Variants in EPHA4 observed in about 807,000 individuals in gnomAD.
The protein encoded by EPHA4 is ephrin type-A receptor 4.
A neutral mutation model predicts 108.3 loss-of-function variants in EPHA4; 19 were observed. The ratio of observed to expected loss-of-function variants is 0.18; its 90% CI spans 0.12 to 0.26. EPHA4 has a LOEUF of 0.26. Among genes scored for constraint, EPHA4 ranks in the 10% least tolerant of loss-of-function variants. The pLI, the probability that EPHA4 is intolerant of heterozygous loss-of-function variation, is 1.00. For synonymous variants in EPHA4, 449 were observed against 455.5 expected (o/e 0.99, Z 0.18); for missense variants, 917 against 1,254.0 (o/e 0.73, Z 4.06).
At chr2:221,558,724 C>T (rs1334011374) in intron 3 of EPHA4, among the ~76,000 whole-genome samples, 1 of 151,990 alleles carries the variant, frequency 6.6e-6, no homozygotes, top group Admixed American at 6.6e-5. Context: ...ATGATTCACA[C>T]TCACAAAGGC....
At chr2:221,486,730 T>C (rs967374706) in intron 4 of EPHA4, among the ~76,000 whole-genome samples, 2 of 122,434 alleles carry the variant, frequency 1.6e-5, no homozygotes, top group Non-Finnish European at 3.3e-5. Flanking sequence ...TGAGACTCTG[T>C]CTCAAAATAA....
chr2:221,467,285 A>C (rs765816788), intron 5 of EPHA4, among the ~76,000 whole-genome samples: 1 of 152,326 alleles, frequency 6.6e-6, no homozygotes, highest in Non-Finnish European at 1.5e-5. Flanking sequence ...TTACTTTGCT[A>C]TAATTCAATG....
Position 221,442,908 on chromosome 2 carries a change from T to C in EPHA4, c.1995A>G (p.Arg665=). The C allele has an allele frequency of 1.2e-6, 2 of 1,614,174 alleles. No homozygotes were observed. The highest frequency in any genetic ancestry group is 1.3e-5 in the African/African-American group (1 of 75,048). ...LKAGYTDKQR[R]DFLSEASIMG... ...TGATGCTGGCCTCACTCAGGAAGTC[T>C]CTCCTCTGTTTGTCTGTATAACCAG... Residue 665 remains arginine (R), a synonymous_variant, in exon 11 of 18, where the codon AGA becomes AGG. Coordinates refer to ENST00000281821, the MANE Select transcript of EPHA4 (RefSeq NM_004438.5).
intron 8 of EPHA4, among the ~76,000 whole-genome samples, chr2:221,448,710 A>G (rs1690676431): frequency 6.6e-6 from 1 of 152,190 alleles, no homozygotes; most frequent in Non-Finnish European, 1.5e-5. Flanking sequence ...TCCTAAAAGC[A>G]TTATCTAAAA....
intron 16 of EPHA4, 71 bp downstream of exon 16, chr2:221,426,393 G>T: frequency 6.6e-7 from 1 of 1,512,624 alleles, no homozygotes. Flanking sequence ...TGATTACGCA[G>T]CTCAAAGCAA....
At chr2:221,464,014 G>A (rs1374343114) in intron 5 of EPHA4, among the ~76,000 whole-genome samples, 1 of 152,158 alleles carries the variant, frequency 6.6e-6, no homozygotes, top group Non-Finnish European at 1.5e-5. Context: ...CAGATGCAAT[G>A]AAAGGTCTCC....
Position 221,564,284 on chromosome 2 carries a change from G to C in EPHA4, c.270C>G (p.Thr90=). Residue 90 remains threonine, a synonymous_variant, in exon 3 of 18, where the codon ACC becomes ACG. Coordinates refer to ENST00000281821, the MANE Select transcript of EPHA4 (RefSeq NM_004438.5). ...QNNWLRTDWI[T]REGAQRVYIE... ...TATACACCCTCTGAGCCCCTTCTCGGGTGATCCAATCAGTTCGTAGCCAGT... is the reference window on the plus strand; with the variant it reads ...TATACACCCTCTGAGCCCCTTCTCGCGTGATCCAATCAGTTCGTAGCCAGT... The C allele has an allele frequency of 6.2e-7, 1 of 1,614,092 alleles. No individual in the cohort carries two copies. Among genetic ancestry groups the C allele is most frequent in the Non-Finnish European group, 8.5e-7 (1 of 1,180,032 alleles).
At chr2:221,559,483 G>T (rs1296293047) in intron 3 of EPHA4, among the ~76,000 whole-genome samples, 2 of 152,060 alleles carry the variant, frequency 1.3e-5, no homozygotes, top group Non-Finnish European at 2.9e-5. Context: ...GGCTGAGGTA[G>T]GATCACTTGA....
intron 8 of EPHA4, among the ~76,000 whole-genome samples, chr2:221,454,466 G>C (rs1690878591): frequency 6.6e-6 from 1 of 152,182 alleles, no homozygotes; most frequent in African/African-American, 2.4e-5. Context: ...ACAAACTTGG[G>C]CAAGAATTAC....
At chr2:221,498,206 AG>A (rs2106154871) in intron 4 of EPHA4, among the ~76,000 whole-genome samples, 1 of 152,350 alleles carries the variant, frequency 6.6e-6, no homozygotes, top group East Asian at 1.9e-4. Flanking sequence ...TGGGAGAAAG[AG>A]CCAGGACCTC....
At position 221,564,221 on chromosome 2, in the gene EPHA4, A is replaced by G. The variant is rs1269540386; in HGVS notation, c.333T>C (p.Leu111=). 1.9e-6 allele frequency: 3 copies of G among 1,614,012 alleles called. No homozygotes were observed. The highest frequency in any genetic ancestry group is 2.5e-6 in the Non-Finnish European group (3 of 1,180,032). The change falls in exon 3 of 18, where the codon CTT becomes CTC. Residue 111 remains leucine (L), a synonymous_variant. Coordinates refer to ENST00000281821, the MANE Select transcript of EPHA4 (RefSeq NM_004438.5). ...IKFTLRDCNS[L]PGVMGTCKET... The stretch of plus-strand genomic sequence containing the variant: ...CCTTGCAAGTCCCCATGACGCCCGG[A>G]AGACTATTGCAGTCCCTCAAGGTGA...
At chr2:221,438,992 G>T (rs1220196774) in intron 11 of EPHA4, among the ~76,000 whole-genome samples, 1 of 152,156 alleles carries the variant, frequency 6.6e-6, no homozygotes, top group Admixed American at 6.5e-5. Flanking sequence ...AGGGGCAAAA[G>T]TGTTGAAGAG....
intron 3 of EPHA4, among the ~76,000 whole-genome samples, chr2:221,548,309 A>G (rs1365865098): frequency 6.6e-6 from 1 of 151,976 alleles, no homozygotes; most frequent in Non-Finnish European, 1.5e-5. Context: ...GTGAGCCAAG[A>G]TCACAGATCG....
chr2:221,421,480 C>A (rs1052332349), intron 17 of EPHA4, among the ~76,000 whole-genome samples: 14 of 152,198 alleles, frequency 9.2e-5, no homozygotes, highest in Non-Finnish European at 2.9e-5. Flanking sequence ...CAGGGAGATA[C>A]TTGCTCTATG....
rs1168279571 is a variant in EPHA4, at chr2:221,482,565, A to G, written c.1105T>C (p.Cys369Arg). 1.2e-5 allele frequency: 19 copies of G among 1,613,934 alleles called. No individual in the cohort carries two copies. Among genetic ancestry groups the G allele is most frequent in the Non-Finnish European group, 1.5e-5 (18 of 1,179,996 alleles). The change falls in exon 5 of 18, where the codon TGT becomes CGT. Residue 369 changes from cysteine to arginine, a missense_variant. Physicochemically the swap from Cys to Arg is radical, Grantham distance 180. This residue lies in a region of EPHA4 where 758 missense variants were observed against 1,076.7 expected (regional missense o/e 0.70). Transcript: ENST00000281821. ...DISYNVVCKK[C>R]GAGDPSKCRP... ...CACTTGCTGGGGTCACCAGCTCCACATTTCTTGCATACCACATTATAGGAA... is the reference window on the plus strand; with the variant it reads ...CACTTGCTGGGGTCACCAGCTCCACGTTTCTTGCATACCACATTATAGGAA...
intron 5 of EPHA4, among the ~76,000 whole-genome samples, chr2:221,477,033 A>T (rs1691674176): frequency 6.8e-6 from 1 of 146,998 alleles, no homozygotes; most frequent in African/African-American, 2.5e-5. Flanking sequence ...AATGAGGTGT[A>T]ATGCCACTTT....
intron 5 of EPHA4, among the ~76,000 whole-genome samples, chr2:221,473,724 C>G (rs1186210933): frequency 6.6e-6 from 1 of 152,070 alleles, no homozygotes; most frequent in Non-Finnish European, 1.5e-5. Flanking sequence ...GGAGTGACAA[C>G]TAGATAATTT....
At chr2:221,492,246 A>C (rs1692166920) in intron 4 of EPHA4, among the ~76,000 whole-genome samples, 1 of 152,160 alleles carries the variant, frequency 6.6e-6, no homozygotes, top group Non-Finnish European at 1.5e-5. Flanking sequence ...CAAGCCTTCC[A>C]CTTGGGCATA....
intron 3 of EPHA4, among the ~76,000 whole-genome samples, chr2:221,507,405 C>G (rs6740678): frequency 0.35 from 53,080 of 152,022 alleles, 11,376 homozygotes; most frequent in African/African-American, 0.61. Context: ...GAAGCTATTC[C>G]TATACCATTG....
Sources: gnomAD v4.1 joint callset for allele counts (sites outside exome capture counted in the v4.1 genomes callset) on GRCh38, gnomAD v4.1.1 for gene constraint, gnomAD v4.1.1 regional missense constraint, MANE v1.5 for transcripts, NCBI Gene and HGNC (gene_info 2026-07-23, HGNC 2026-07-21) for gene names.